DLGAP1: variants seen among roughly 807,000 people sequenced by gnomAD.
DLGAP1 encodes the protein disks large-associated protein 1.
Under a neutral mutation model 90.8 loss-of-function variants are expected in DLGAP1, and 11 were observed. The ratio of observed to expected loss-of-function variants is 0.12; its 90% CI spans 0.08 to 0.20. DLGAP1 has a LOEUF of 0.20. DLGAP1 is among the 10% of genes least tolerant of loss of function. DLGAP1 has a pLI of 1.00. For missense variants in DLGAP1, 1,050 were observed against 1,333.8 expected, an observed-to-expected ratio of 0.79 and a Z score of 3.31; for synonymous variants, 558 against 540.7, an observed-to-expected ratio of 1.03 and a Z score of -0.44.
rs1281977184 is a variant in DLGAP1 at position 3,711,681 on chromosome 18, A to G, written c.1591+17454T>C. On this transcript the variant is annotated intron_variant, in intron 7 of 12. Coordinates refer to ENST00000315677, the MANE Select transcript of DLGAP1 (RefSeq NM_004746.4). This position sits in a 1 kb window ranked among gnomAD's most constrained non-coding sequence, Gnocchi z 4.0. ...CAGCAAAGCTCCATCTCTACAAAGA[A>G]AATTAAAATATTAGCTGGCTCAGTG... Among the ~76,000 whole-genome samples, 1 of 152,136 alleles carries G rather than the reference A, an allele frequency of 6.6e-6. No individual in the cohort carries two copies. The highest frequency in any genetic ancestry group is 1.5e-5 in the Non-Finnish European group (1 of 68,032).
intron 1 of DLGAP1, among the ~76,000 whole-genome samples, chr18:4,285,086 C>CAGT (rs80310158): frequency 6.6e-6 from 1 of 151,784 alleles, no homozygotes; most frequent in Non-Finnish European, 1.5e-5. Context: ...TTTGTAAAGC[C>CAGT]ATTATTTTTG....
chr18:4,211,133 C>T (rs546566956), intron 1 of DLGAP1, among the ~76,000 whole-genome samples: 3 of 152,320 alleles, frequency 2.0e-5, no homozygotes, highest in African/African-American at 7.2e-5. Flanking sequence ...GTCCACACTG[C>T]ACAATGTAGC....
intron 3 of DLGAP1, among the ~76,000 whole-genome samples, chr18:3,974,085 T>A (rs8098355): frequency 0.47 from 71,138 of 151,814 alleles, 17,031 homozygotes; most frequent in African/African-American, 0.55. Context: ...TTTTATTTTT[T>A]TTTTTTTTGA....
chr18:4,086,821 G>A (rs1048011656), intron 2 of DLGAP1, among the ~76,000 whole-genome samples: 1 of 151,434 alleles, frequency 6.6e-6, no homozygotes, highest in African/African-American at 2.4e-5. Context: ...TATCCTTATT[G>A]ATTTTCTTTC....
intron 1 of DLGAP1, among the ~76,000 whole-genome samples, chr18:4,380,011 T>C (rs2082084340): frequency 6.6e-6 from 1 of 152,158 alleles, no homozygotes; most frequent in African/African-American, 2.4e-5. Flanking sequence ...TGCAATCTCA[T>C]GGAGAAATAA....
At chr18:3,912,942 AT>A (rs2072067477) in intron 3 of DLGAP1, among the ~76,000 whole-genome samples, 1 of 152,134 alleles carries the variant, frequency 6.6e-6, no homozygotes, top group Non-Finnish European at 1.5e-5. Flanking sequence ...ACCATAAGCT[AT>A]TTATAGATCA....
At chr18:4,438,442 A>AG in intron 1 of DLGAP1, among the ~76,000 whole-genome samples, 1 of 150,298 alleles carries the variant, frequency 6.7e-6, no homozygotes, top group Admixed American at 6.6e-5. Context: ...AAAAAAAAAA[A>AG]AAAAAAAAAA....
At chr18:4,016,962 C>T (rs1467269474) in intron 2 of DLGAP1, among the ~76,000 whole-genome samples, 1 of 152,194 alleles carries the variant, frequency 6.6e-6, no homozygotes, top group Non-Finnish European at 1.5e-5. Flanking sequence ...ATACTAAAGG[C>T]TCAATAAATA....
chr18:4,027,301 T>C (rs888573288), intron 2 of DLGAP1, among the ~76,000 whole-genome samples: 1 of 150,642 alleles, frequency 6.6e-6, no homozygotes, highest in Non-Finnish European at 1.5e-5. Context: ...AGGCCAGGAG[T>C]TCGAGACTAG....
chr18:4,126,033 G>A (rs1354008401), intron 2 of DLGAP1, among the ~76,000 whole-genome samples: 1 of 152,162 alleles, frequency 6.6e-6, no homozygotes, highest in East Asian at 1.9e-4. Context: ...TTACTTTCCT[G>A]TGTGGCAGGA....
At chr18:3,617,908 G>C (rs1270557311) in intron 7 of DLGAP1, among the ~76,000 whole-genome samples, 1 of 152,060 alleles carries the variant, frequency 6.6e-6, no homozygotes, top group Non-Finnish European at 1.5e-5. Flanking sequence ...GTGGTGGCAG[G>C]CGCCTGTAAT....
intron 2 of DLGAP1, among the ~76,000 whole-genome samples, chr18:4,110,249 TG>T (rs1295909672): frequency 6.6e-6 from 1 of 152,162 alleles, no homozygotes; most frequent in African/African-American, 2.4e-5. Flanking sequence ...AATGTAACAA[TG>T]GTAAGTATTT....
intron 2 of DLGAP1, among the ~76,000 whole-genome samples, chr18:4,012,703 CAG>C (rs1459400571): frequency 6.6e-6 from 1 of 151,298 alleles, no homozygotes; most frequent in African/African-American, 2.4e-5. Flanking sequence ...ATCTTGTTAA[CAG>C]ATTGCTCCTG....
At chr18:3,922,814 AAATACTGTC>A (rs965084305) in intron 3 of DLGAP1, among the ~76,000 whole-genome samples, 7 of 152,126 alleles carry the variant, frequency 4.6e-5, no homozygotes, top group Admixed American at 6.5e-5. Context: ...CAGATTTAAT[AAATACTGTC>A]AAATTTATTT....
chr18:3,917,415 G>C (rs1649087976), intron 3 of DLGAP1, among the ~76,000 whole-genome samples: 1 of 152,276 alleles, frequency 6.6e-6, no homozygotes, highest in South Asian at 2.1e-4. Context: ...TAAGAGTGAT[G>C]GCTAAAGTCC....
intron 1 of DLGAP1, among the ~76,000 whole-genome samples, chr18:4,438,103 G>A (rs1567922796): frequency 6.6e-6 from 1 of 152,128 alleles, no homozygotes; most frequent in Non-Finnish European, 1.5e-5. Flanking sequence ...CGCCTCCACA[G>A]AGCTTTGGAA....
rs1273370951 is a variant in DLGAP1, at chr18:3,496,876, T to C, written c.*2309A>G. On this transcript the variant is annotated 3_prime_UTR_variant, in exon 13 of 13. Transcript: ENST00000315677. ...GCCCTGTAGGCCTTGAGCTAAAAGA[T>C]TTAAAATTCTTACCAAAAATAGCTT... 1 of 152,162 alleles carries C rather than the reference T, an allele frequency of 6.6e-6. No individual in the cohort carries two copies. The highest frequency in any genetic ancestry group is 2.4e-5 in the African/African-American group (1 of 41,442). The allele number at this position is 152,162 out of a possible 1,614,324, so 9.4% of individuals were successfully genotyped here.
At chr18:4,219,456 G>T (rs185728239) in intron 1 of DLGAP1, among the ~76,000 whole-genome samples, 5 of 151,808 alleles carry the variant, frequency 3.3e-5, no homozygotes, top group Non-Finnish European at 5.9e-5. Context: ...TGTTTCCTTT[G>T]CTCTGCAGAA....
intron 1 of DLGAP1, among the ~76,000 whole-genome samples, chr18:4,370,825 C>T (rs2081898951): frequency 6.6e-6 from 1 of 151,532 alleles, no homozygotes; most frequent in Non-Finnish European, 1.5e-5. Context: ...TACAAAAATA[C>T]AAAGGAAACA....
Sources: gnomAD v4.1 joint callset for allele counts (sites outside exome capture counted in the v4.1 genomes callset) on GRCh38, gnomAD v4.1.1 for gene constraint, Gnocchi (gnomAD v3.1) non-coding constraint, MANE v1.5 for transcripts, NCBI Gene and HGNC (gene_info 2026-07-23, HGNC 2026-07-21) for gene names.